Variants in CHCHD6 observed in about 807,000 individuals in gnomAD.
The protein encoded by CHCHD6 is coiled-coil-helix-coiled-coil-helix domain containing 6.
CHCHD6 carries 28 observed loss-of-function variants against 32.3 expected under a neutral mutation model. The ratio of observed to expected loss-of-function variants is 0.87; its 90% confidence interval spans 0.64 to 1.19. The LOEUF (loss-of-function observed/expected upper bound fraction) is 1.19. Among genes scored for constraint, CHCHD6 ranks in the 50% most tolerant of loss-of-function variants. The pLI, the probability that CHCHD6 is intolerant of heterozygous loss-of-function variation, is 0.00. For missense variants in CHCHD6, 333 were observed against 307.0 expected (o/e 1.08, Z -0.63); for synonymous variants, 122 against 117.5 (o/e 1.04, Z -0.25).
At chr3:126,886,278 A>C (rs549120616) in intron 5 of CHCHD6, among the ~76,000 whole-genome samples, 120 of 152,334 alleles carry the variant, frequency 7.9e-4, no homozygotes, top group African/African-American at 2.7e-3. Context: ...CCTATAGGCA[A>C]CCTCAGTCCA....
chr3:126,846,395 G>A (rs1941297441), intron 4 of CHCHD6, among the ~76,000 whole-genome samples: 1 of 152,150 alleles, frequency 6.6e-6, no homozygotes, highest in South Asian at 2.1e-4. Context: ...GGAATGAGGT[G>A]GCCATAGGAG....
rs1576382168 is a variant in CHCHD6 at position 126,760,271 on chromosome 3, T to C, written c.411+27049T>C. Among the ~76,000 whole-genome samples, 3 of 152,356 alleles carry C rather than the reference T, an allele frequency of 2.0e-5. No individual in the cohort carries two copies. In the East Asian group the frequency reaches 5.8e-4, roughly 29 times the overall value. ...TGTGGGATATCCTGTTTCCAGCCTT[T>C]CGTCCAACAATTTTCTGCCCATTGA... is the stretch of plus-strand genomic sequence containing the variant. On this transcript the variant is annotated intron_variant, in intron 4 of 7. Transcript: ENST00000290913.
intron 5 of CHCHD6, among the ~76,000 whole-genome samples, chr3:126,870,265 T>C (rs1030310495): frequency 6.6e-6 from 1 of 152,214 alleles, no homozygotes; most frequent in Non-Finnish European, 1.5e-5. Flanking sequence ...CTCATACCTG[T>C]TCTTTATGTT....
At chr3:126,851,471 T>C (rs1450056248) in intron 4 of CHCHD6, among the ~76,000 whole-genome samples, 7 of 152,214 alleles carry the variant, frequency 4.6e-5, no homozygotes, top group Non-Finnish European at 7.3e-5. Context: ...GAGGATTCAG[T>C]GTCATCAGGA....
chr3:126,830,422 C>A (rs1410558056), intron 4 of CHCHD6, among the ~76,000 whole-genome samples: 1 of 152,182 alleles, frequency 6.6e-6, no homozygotes, highest in Non-Finnish European at 1.5e-5. Context: ...TGCCATGCAC[C>A]CTGCATGCCT....
intron 5 of CHCHD6, among the ~76,000 whole-genome samples, chr3:126,880,731 G>A (rs2077597218): frequency 1.3e-5 from 2 of 152,136 alleles, no homozygotes; most frequent in South Asian, 4.1e-4. Flanking sequence ...CATGTAAAAA[G>A]TATATAGCAT....
intron 1 of CHCHD6, among the ~76,000 whole-genome samples, chr3:126,717,440 C>T (rs563558979): frequency 2.0e-5 from 3 of 152,134 alleles, no homozygotes; most frequent in Non-Finnish European, 4.4e-5. Flanking sequence ...CTTTTAGTCG[C>T]GAGGTGGCCA....
chr3:126,852,543 T>C, intron 4 of CHCHD6, 104 bp from the exon 5 acceptor site: 2 of 760,626 alleles, frequency 2.6e-6, no homozygotes. Flanking sequence ...ATTGCTACTG[T>C]TCTCATTGTG....
intron 4 of CHCHD6, among the ~76,000 whole-genome samples, chr3:126,760,277 A>G (rs1271880142): frequency 2.0e-5 from 3 of 152,232 alleles, no homozygotes; most frequent in Non-Finnish European, 4.4e-5. Flanking sequence ...CCTTTCGTCC[A>G]ACAATTTTCT....
At chr3:126,864,886 TCCA>T (rs1471436334) in intron 5 of CHCHD6, among the ~76,000 whole-genome samples, 1 of 127,864 alleles carries the variant, frequency 7.8e-6, no homozygotes, top group Non-Finnish European at 1.7e-5. Context: ...CTCCTCCTCC[TCCA>T]CCATCACCTC....
At chr3:126,836,935 C>T (rs369182909) in intron 4 of CHCHD6, among the ~76,000 whole-genome samples, 16 of 152,174 alleles carry the variant, frequency 1.1e-4, no homozygotes, top group Non-Finnish European at 1.3e-4. Flanking sequence ...AAATGGACAT[C>T]GCTTTGGGCT....
At chr3:126,836,644 G>C (rs1176223108) in intron 4 of CHCHD6, among the ~76,000 whole-genome samples, 1 of 152,212 alleles carries the variant, frequency 6.6e-6, no homozygotes, top group Non-Finnish European at 1.5e-5. Flanking sequence ...TGAAACAGCA[G>C]TGGGGACACT....
intron 4 of CHCHD6, among the ~76,000 whole-genome samples, chr3:126,790,797 T>C (rs1368192580): frequency 2.0e-5 from 3 of 152,204 alleles, no homozygotes; most frequent in African/African-American, 7.2e-5. Context: ...AGAAGTTTGA[T>C]TGTCTGAAGC....
In CHCHD6 at chr3:126,896,009, C is replaced by T. The variant is rs576029959; in HGVS notation, c.496-18671C>T. Among the ~76,000 whole-genome samples the T allele has an allele frequency of 4.6e-5, 7 of 152,296 alleles. No individual in the cohort carries two copies. The East Asian group carries it at 5.8e-4, about 13-fold the overall frequency. On this transcript the variant is annotated intron_variant, in intron 5 of 7. Coordinates refer to ENST00000290913, the MANE Select transcript of CHCHD6 (RefSeq NM_032343.3). ...TGTTCTAGCTCAGCAAGTCCCACCC[C>T]GGGGTCTCTGTGCCCCCAGGGTTGC...
At chr3:126,870,701 G>A (rs1303577703) in intron 5 of CHCHD6, among the ~76,000 whole-genome samples, 1 of 152,190 alleles carries the variant, frequency 6.6e-6, no homozygotes, top group Admixed American at 6.5e-5. Flanking sequence ...CCTGAGCACA[G>A]GGACTTCACT....
chr3:126,872,423 C>T (rs1470126858), intron 5 of CHCHD6, among the ~76,000 whole-genome samples: 1 of 152,142 alleles, frequency 6.6e-6, no homozygotes, highest in Non-Finnish European at 1.5e-5. Context: ...ACTTTGTATA[C>T]CTCGTAATCA....
chr3:126,864,895 ACCTCCTCCTCCACCATCACCT>A (rs1559890598), intron 5 of CHCHD6, among the ~76,000 whole-genome samples: 4 of 75,428 alleles, frequency 5.3e-5, no homozygotes. Flanking sequence ...CTCCACCATC[ACCTCCTCCTCCACCATCACCT>A]TCTCCTCCAC....
At chr3:126,709,032 CTCCTGTATACTT>C (rs1403692664) in intron 1 of CHCHD6, among the ~76,000 whole-genome samples, 1 of 152,156 alleles carries the variant, frequency 6.6e-6, no homozygotes. Context: ...TACACATATT[CTCCTGTATACTT>C]TAAATTATCT....
intron 5 of CHCHD6, among the ~76,000 whole-genome samples, chr3:126,862,652 T>C (rs1458469017): frequency 6.6e-4 from 17 of 25,596 alleles, no homozygotes; most frequent in Admixed American, 2.6e-3. Context: ...TCTTCCACCA[T>C]CACCACCTCC....
Sources: gnomAD v4.1 joint callset for allele counts (sites outside exome capture counted in the v4.1 genomes callset) on GRCh38, gnomAD v4.1.1 for gene constraint, MANE v1.5 for transcripts, NCBI Gene and HGNC (gene_info 2026-07-23, HGNC 2026-07-21) for gene names.